The following CSMD1 variants were observed in gnomAD, a reference collection of about 807,000 sequenced individuals.
CSMD1 encodes CUB and sushi domain-containing protein 1.
Under a neutral mutation model 417.5 loss-of-function variants are expected in CSMD1, and 213 were observed. The ratio of observed to expected loss-of-function variants is 0.51; its 90% CI spans 0.46 to 0.57. The LOEUF (loss-of-function observed/expected upper bound fraction) is 0.57, where lower values mean the gene tolerates loss of function less well. Ranked by LOEUF, CSMD1 falls within the 20% of genes least tolerant of loss-of-function variation. The pLI, the probability that CSMD1 is intolerant of heterozygous loss-of-function variation, is 0.00. For synonymous variants in CSMD1, 2,862 were observed against 1,736.8 expected (o/e 1.65, Z -16.11); for missense variants, 6,923 against 4,529.7 (o/e 1.53, Z -15.17).
intron 3 of CSMD1, among the ~76,000 whole-genome samples, chr8:4,035,478 G>A (rs1344172608): frequency 7.1e-6 from 1 of 141,782 alleles, no homozygotes. Flanking sequence ...TATCCTAGGA[G>A]ATGAAAGCTC....
chr8:3,493,545 T>A lies in CSMD1; in HGVS notation c.1448+78A>T, dbSNP rs1379397969. On this transcript the variant is annotated intron_variant, in intron 11 of 69. Coordinates refer to ENST00000635120, the MANE Select transcript of CSMD1 (RefSeq NM_033225.6). Reference sequence around the variant, plus strand: ...AACACCTGAGGCCGAATTACAAGCCTGTAGCAGAATCTCATCTCCACCCAC... The same window carrying A: ...AACACCTGAGGCCGAATTACAAGCCAGTAGCAGAATCTCATCTCCACCCAC... The A allele has an allele frequency of 4.1e-6, 5 of 1,227,244 alleles. No homozygotes were observed. In the Admixed American group the frequency reaches 1.0e-4, roughly 25 times the overall value. The allele number at this position is 1,227,244 out of a possible 1,614,324, so 76.0% of individuals were successfully genotyped here. A position where few individuals can be genotyped will look rare whatever the true frequency, so the allele number is the denominator to read the frequency against.
intron 12 of CSMD1, among the ~76,000 whole-genome samples, chr8:3,423,467 A>C (rs1813624454): frequency 6.6e-6 from 1 of 152,194 alleles, no homozygotes; most frequent in Non-Finnish European, 1.5e-5. Flanking sequence ...ACTGAGTGTA[A>C]TGATTCTGAG....
chr8:4,767,553 T>C (rs1812547218), intron 1 of CSMD1, among the ~76,000 whole-genome samples: 1 of 152,116 alleles, frequency 6.6e-6, no homozygotes, highest in Non-Finnish European at 1.5e-5. Flanking sequence ...CTGTCCTGTG[T>C]GTTCTGGGGC....
intron 3 of CSMD1, among the ~76,000 whole-genome samples, chr8:4,183,059 C>A (rs1798467546): frequency 6.6e-6 from 1 of 152,118 alleles, no homozygotes; most frequent in African/African-American, 2.4e-5. Flanking sequence ...TGCACAGATA[C>A]CACTGCTAGA....
intron 10 of CSMD1, among the ~76,000 whole-genome samples, chr8:3,571,843 C>G (rs1799956861): frequency 6.6e-6 from 1 of 152,112 alleles, no homozygotes; most frequent in African/African-American, 2.4e-5. Context: ...GTATTAGATT[C>G]CAAACTCTGC....
At chr8:3,633,241 C>G (rs916207410) in intron 7 of CSMD1, among the ~76,000 whole-genome samples, 2 of 152,158 alleles carry the variant, frequency 1.3e-5, no homozygotes, top group African/African-American at 2.4e-5. Flanking sequence ...TTGGATATAA[C>G]ATAAATTACT....
At chr8:4,531,120 G>A (rs73182925) in intron 2 of CSMD1, among the ~76,000 whole-genome samples, 11,798 of 152,164 alleles carry the variant, frequency 0.078, 567 homozygotes, top group East Asian at 0.13. Context: ...GTAGAATACA[G>A]ATATGTAACT....
At chr8:3,642,971 A>C (rs1008451133) in intron 7 of CSMD1, among the ~76,000 whole-genome samples, 3 of 152,210 alleles carry the variant, frequency 2.0e-5, no homozygotes, top group African/African-American at 7.2e-5. Context: ...TAGGAAATTC[A>C]GGACACAGAA....
At chr8:3,071,655 T>G (rs1813328537) in intron 49 of CSMD1, among the ~76,000 whole-genome samples, 1 of 152,218 alleles carries the variant, frequency 6.6e-6, no homozygotes, top group African/African-American at 2.4e-5. Context: ...CAATATTCAT[T>G]CCATTTGAAT....
At chr8:4,633,891 A>C (rs1482499656) in intron 2 of CSMD1, among the ~76,000 whole-genome samples, 3 of 151,882 alleles carry the variant, frequency 2.0e-5, no homozygotes, top group Non-Finnish European at 4.4e-5. Context: ...GCATTTTGGG[A>C]TTTGGTGACT....
intron 7 of CSMD1, among the ~76,000 whole-genome samples, chr8:3,655,572 C>T (rs924917827): frequency 4.6e-5 from 7 of 152,062 alleles, no homozygotes; most frequent in Non-Finnish European, 7.4e-5. Context: ...CAAGAGAGAA[C>T]CCCCACTGAT....
chr8:3,272,003 C>T (rs62505048), intron 26 of CSMD1, among the ~76,000 whole-genome samples: 9,570 of 151,648 alleles, frequency 0.063, 411 homozygotes, highest in Middle Eastern at 0.088. Flanking sequence ...GCAGTCCTTG[C>T]CCATGCCTAT....
intron 12 of CSMD1, among the ~76,000 whole-genome samples, chr8:3,410,927 T>TGGA (rs1455292142): frequency 6.6e-6 from 1 of 151,760 alleles, no homozygotes; most frequent in Non-Finnish European, 1.5e-5. Flanking sequence ...GAGAGATGGA[T>TGGA]GGAGGAGGAG....
chr8:3,517,094 C>A (rs886792448), intron 10 of CSMD1, among the ~76,000 whole-genome samples: 4 of 152,182 alleles, frequency 2.6e-5, no homozygotes, highest in Admixed American at 1.3e-4. Context: ...ATCTGGCGGC[C>A]TTCTCAGGAG....
intron 10 of CSMD1, among the ~76,000 whole-genome samples, chr8:3,527,081 C>A (rs995191970): frequency 6.6e-6 from 1 of 151,890 alleles, no homozygotes; most frequent in Non-Finnish European, 1.5e-5. Context: ...GCAAAGAAAG[C>A]CCAGAAAATG....
chr8:3,011,048 C>T (rs963903236), intron 52 of CSMD1, among the ~76,000 whole-genome samples: 1 of 152,156 alleles, frequency 6.6e-6, no homozygotes, highest in Non-Finnish European at 1.5e-5. Context: ...TTTATTAAAG[C>T]TACTTGGTAT....
At chr8:3,403,080 T>C (rs1043386060) in intron 15 of CSMD1, among the ~76,000 whole-genome samples, 4 of 152,184 alleles carry the variant, frequency 2.6e-5, no homozygotes, top group African/African-American at 7.2e-5. Context: ...AGTTCTATTT[T>C]TATTACATGT....
At chr8:4,896,760 A>C (rs1393719576) in intron 1 of CSMD1, among the ~76,000 whole-genome samples, 2 of 152,028 alleles carry the variant, frequency 1.3e-5, no homozygotes, top group African/African-American at 2.4e-5. Context: ...GATTGAAGGA[A>C]TAAGGGAAGG....
chr8:3,770,349 T>A (rs189415250), intron 5 of CSMD1, among the ~76,000 whole-genome samples: 26 of 152,212 alleles, frequency 1.7e-4, no homozygotes, highest in Admixed American at 1.6e-3. Flanking sequence ...TCCTATGTGG[T>A]GAAACCCCGT....
Sources: allele counts gnomAD v4.1 joint callset (sites outside exome capture counted in the v4.1 genomes callset), GRCh38; gene constraint gnomAD v4.1.1; transcripts MANE v1.5; gene names NCBI Gene and HGNC (gene_info 2026-07-23, HGNC 2026-07-21).